The following CHEK1 variants were observed in gnomAD, a reference collection of about 807,000 sequenced individuals.
CHEK1 encodes checkpoint kinase 1, also known as serine/threonine-protein kinase Chk1.
CHEK1 carries 32 observed loss-of-function variants against 60.2 expected under a neutral mutation model. The observed-to-expected ratio is 0.53, with a 90% confidence interval of 0.40 to 0.71. The LOEUF (loss-of-function observed/expected upper bound fraction) is 0.71. Among genes scored for constraint, CHEK1 ranks in the 30% least tolerant of loss-of-function variants. The probability of loss-of-function intolerance (pLI) is 0.00; values close to 1 mark genes in which losing one functional copy is unlikely to be tolerated. For synonymous variants in CHEK1, 179 were observed against 187.2 expected, an observed-to-expected ratio of 0.96 and a Z score of 0.36; for missense variants, 399 against 564.6, an observed-to-expected ratio of 0.71 and a Z score of 2.97.
At chr11:125,667,341 C>A (rs34955696) in intron 13 of CHEK1, among the ~76,000 whole-genome samples, 18,298 of 152,132 alleles carry the variant, frequency 0.12, 1,326 homozygotes, top group South Asian at 0.16. Context: ...TTATTTCATT[C>A]TTTTTCATGG....
chr11:125,676,289 C>G, downstream of CHEK1: 1 of 1,576,136 alleles, frequency 6.3e-7, no homozygotes, highest in East Asian at 2.3e-5. Flanking sequence ...CCTGTCATTC[C>G]AACTGCCCCC....
At chr11:125,630,397 A>G (rs924546829) in intron 5 of CHEK1, among the ~76,000 whole-genome samples, 1 of 150,176 alleles carries the variant, frequency 6.7e-6, no homozygotes, top group Non-Finnish European at 1.5e-5. Context: ...TGTAACCTCT[A>G]CCTCTCTGGT....
intron 8 of CHEK1, among the ~76,000 whole-genome samples, chr11:125,639,603 C>T (rs954491527): frequency 6.6e-6 from 1 of 152,142 alleles, no homozygotes; most frequent in Non-Finnish European, 1.5e-5. Context: ...AACTCCTAGC[C>T]TCAAGTGATC....
intron 6 of CHEK1, 43 bp from the exon 7 acceptor site, chr11:125,635,386 T>C (rs369913049): frequency 4.3e-5 from 51 of 1,172,778 alleles, no homozygotes; most frequent in South Asian, 7.2e-5. Flanking sequence ...GAAATCTTTA[T>C]AATAAGAACA....
At chr11:125,634,375 G>A (rs547063443) in intron 6 of CHEK1, among the ~76,000 whole-genome samples, 1 of 152,012 alleles carries the variant, frequency 6.6e-6, no homozygotes, top group Non-Finnish European at 1.5e-5. Flanking sequence ...AGGCTGGAGT[G>A]CAGTGGCACA....
chr11:125,627,980 G>A (rs895265398), intron 3 of CHEK1, 150 bp downstream of exon 3: 23 of 589,656 alleles, frequency 3.9e-5, no homozygotes, highest in Admixed American at 1.1e-4. Context: ...TTTCCACCTG[G>A]TGTTAATAAC....
At chr11:125,665,752 C>T (rs538944645) in intron 13 of CHEK1, among the ~76,000 whole-genome samples, 1 of 151,646 alleles carries the variant, frequency 6.6e-6, no homozygotes, top group African/African-American at 2.4e-5. Flanking sequence ...CTAGCTTTTC[C>T]AATTTTTTGG....
chr11:125,670,110 A>T (rs1942174790), intron 13 of CHEK1, among the ~76,000 whole-genome samples: 2 of 152,214 alleles, frequency 1.3e-5, no homozygotes, highest in Admixed American at 1.3e-4. Context: ...GGTCTCCAAT[A>T]TGCTATTAAA....
downstream of CHEK1, chr11:125,677,798 T>G: frequency 6.2e-7 from 1 of 1,614,174 alleles, no homozygotes. Flanking sequence ...ATGGCTCACC[T>G]GTAGATGTGC....
chr11:125,627,593 C>G lies in CHEK1; in HGVS notation c.66-14C>G. On this transcript the variant is annotated splice_polypyrimidine_tract_variant and intron_variant, in intron 2 of 12. Coordinates refer to ENST00000438015, the MANE Select transcript of CHEK1 (RefSeq NM_001114122.3). Reference sequence around the variant, plus strand: ...AATGGAATTCTGTAATGTTAAAACTCTTTTCCTTTTTAGAGTTCAACTTGC... The same window carrying G: ...AATGGAATTCTGTAATGTTAAAACTGTTTTCCTTTTTAGAGTTCAACTTGC... 6.3e-7 allele frequency: 1 copy of G among 1,593,838 alleles called. No individual in the cohort carries two copies. The highest frequency in any genetic ancestry group is 1.1e-5 in the South Asian group (1 of 87,590).
downstream of CHEK1, among the ~76,000 whole-genome samples, chr11:125,679,445 T>C (rs1942698347): frequency 6.6e-6 from 1 of 152,148 alleles, no homozygotes; most frequent in Admixed American, 6.5e-5. Flanking sequence ...CTTGAACTCC[T>C]GACCTCAAGT....
intron 13 of CHEK1, among the ~76,000 whole-genome samples, chr11:125,666,232 A>T (rs11220178): frequency 6.6e-6 from 1 of 151,064 alleles, no homozygotes; most frequent in Non-Finnish European, 1.5e-5. Context: ...TTTTAATTTT[A>T]CTTCTAATTT....
chr11:125,660,495 G>C (rs931700825), downstream of CHEK1, among the ~76,000 whole-genome samples: 1 of 151,916 alleles, frequency 6.6e-6, no homozygotes, highest in Non-Finnish European at 1.5e-5. Flanking sequence ...CAACTAGCTG[G>C]GACTACAGGT....
At chr11:125,670,541 T>C (rs1942183213) in intron 13 of CHEK1, among the ~76,000 whole-genome samples, 1 of 152,226 alleles carries the variant, frequency 6.6e-6, no homozygotes, top group Non-Finnish European at 1.5e-5. Context: ...CTGCCCTATT[T>C]TTTCAGCTTT....
downstream of CHEK1, among the ~76,000 whole-genome samples, chr11:125,680,364 C>G (rs559159551): frequency 6.6e-6 from 1 of 152,328 alleles, no homozygotes; most frequent in Non-Finnish European, 1.5e-5. Context: ...CATCTCCCAT[C>G]TTTCCTTGGC....
At chr11:125,675,266 C>T (rs776112677) in intron 13 of CHEK1, among the ~76,000 whole-genome samples, 2 of 152,214 alleles carry the variant, frequency 1.3e-5, no homozygotes, top group Non-Finnish European at 2.9e-5. Flanking sequence ...CTTCTCTGCA[C>T]CTCTAATCTT....
chr11:125,679,438 G>C (rs1047929036), downstream of CHEK1, among the ~76,000 whole-genome samples: 1 of 151,948 alleles, frequency 6.6e-6, no homozygotes, highest in South Asian at 2.1e-4. Flanking sequence ...GGCTGGTCTT[G>C]AACTCCTGAC....
At chr11:125,640,050 C>T (rs755336199) in intron 8 of CHEK1, among the ~76,000 whole-genome samples, 1 of 152,192 alleles carries the variant, frequency 6.6e-6, no homozygotes. Flanking sequence ...ACCATTCCAT[C>T]TTCTTCACAA....
intron 13 of CHEK1, among the ~76,000 whole-genome samples, chr11:125,663,571 T>C (rs2136080117): frequency 6.6e-6 from 1 of 152,264 alleles, no homozygotes; most frequent in Middle Eastern, 3.4e-3. Context: ...TAGACCTTCG[T>C]TGAATTATGT....
Sources: allele counts gnomAD v4.1 joint callset (sites outside exome capture counted in the v4.1 genomes callset), GRCh38; gene constraint gnomAD v4.1.1; transcripts MANE v1.5; gene names NCBI Gene and HGNC (gene_info 2026-07-23, HGNC 2026-07-21).